Variants in ZNF708 observed in about 807,000 individuals in gnomAD.
ZNF708 encodes ZNF15, ZNF15L1.
ZNF708 carries 44 observed loss-of-function variants against 47.0 expected under a neutral mutation model. That is an observed-to-expected ratio of 0.94 (90% CI 0.74 to 1.20). ZNF708 has a LOEUF of 1.20. Among genes scored for constraint, ZNF708 ranks in the 50% most tolerant of loss-of-function variants. ZNF708 has a pLI of 0.00. For synonymous variants in ZNF708, 184 were observed against 218.5 expected (o/e 0.84, Z 1.39); for missense variants, 557 against 656.0 (o/e 0.85, Z 1.65).
intron 3 of ZNF708, among the ~76,000 whole-genome samples, chr19:21,300,475 C>T (rs151114636): frequency 0.014 from 2,154 of 149,350 alleles, 53 homozygotes; most frequent in African/African-American, 0.05. Context: ...CATTGCACTC[C>T]AGCCTGGACA....
intron 1 of ZNF708, among the ~76,000 whole-genome samples, chr19:21,322,312 T>G (rs1210242798): frequency 6.6e-6 from 1 of 151,826 alleles, no homozygotes; most frequent in African/African-American, 2.4e-5. Context: ...TCCTTTTTTT[T>G]TTCTTTTGAG....
intron 3 of ZNF708, among the ~76,000 whole-genome samples, chr19:21,296,271 C>T (rs547500789): frequency 5.3e-5 from 8 of 151,834 alleles, no homozygotes; most frequent in South Asian, 2.1e-4. Context: ...AAGGCCGAGG[C>T]GGGCGGATCA....
rs1972876364 is a variant in ZNF708 at position 21,310,515 on chromosome 19, T to A, written c.116A>T (p.Asn39Ile). 28 of 1,417,908 alleles carry A rather than the reference T, an allele frequency of 2.0e-5. No homozygotes were observed. Among genetic ancestry groups the A allele is most frequent in the Non-Finnish European group, 2.6e-5 (28 of 1,081,552 alleles). The allele number at this position is 1,417,908 out of a possible 1,614,324, so 87.8% of individuals were successfully genotyped here. The change falls in exon 2 of 4, where the codon AAC becomes ATC. Residue 39 changes from asparagine to isoleucine, a missense_variant. By Grantham distance (149) the Asn-to-Ile change is moderately radical. Transcript: ENST00000356929. ...YRNVMLENYRNLVFLGIAVSN... is the reference protein window; with the variant it reads ...YRNVMLENYRILVFLGIAVSN... Reference sequence around the variant, plus strand: ...CTTATCCTCACCCAGGAATACCAGGTTTCTATAATTCTCTAACATGACATT... The same window carrying A: ...CTTATCCTCACCCAGGAATACCAGGATTCTATAATTCTCTAACATGACATT...
rs139459311 is a variant in ZNF708 at position 21,327,268 on chromosome 19, G to A, written c.3+1942C>T. Among the ~76,000 whole-genome samples the A allele has an allele frequency of 6.4e-3, 967 of 152,126 alleles. 11 individuals carry two copies. Among genetic ancestry groups the A allele is most frequent in the South Asian group, 0.024 (114 of 4,826 alleles). On this transcript the variant is annotated intron_variant, in intron 1 of 3. Coordinates refer to ENST00000356929, the MANE Select transcript of ZNF708 (RefSeq NM_021269.3). Reference sequence around the variant, plus strand: ...GTCTAGACCGGGCGCGGTGGCTCACGCCTGTATTCCCAGCACTTTGGGAGG... The same window carrying A: ...GTCTAGACCGGGCGCGGTGGCTCACACCTGTATTCCCAGCACTTTGGGAGG...
At chr19:21,318,394 G>C (rs1973059113) in intron 1 of ZNF708, 1 of 152,142 alleles carries the variant, frequency 6.6e-6, no homozygotes, top group Admixed American at 6.5e-5. Context: ...CTGAAGCATT[G>C]AAGAGAAAAA....
chr19:21,298,927 C>A (rs1972598434), intron 3 of ZNF708, among the ~76,000 whole-genome samples: 1 of 152,020 alleles, frequency 6.6e-6, no homozygotes, highest in Non-Finnish European at 1.5e-5. Flanking sequence ...TAAATCTTAA[C>A]ATTATGCAAA....
At chr19:21,326,702 G>A (rs1236691289) in intron 1 of ZNF708, among the ~76,000 whole-genome samples, 2 of 152,248 alleles carry the variant, frequency 1.3e-5, no homozygotes, top group East Asian at 1.9e-4. Flanking sequence ...AGGCCATGGC[G>A]GGTGGATCAC....
intron 1 of ZNF708, chr19:21,318,865 G>GAA (rs1973069386): frequency 6.6e-6 from 1 of 152,112 alleles, no homozygotes; most frequent in South Asian, 2.1e-4. Flanking sequence ...TTAGTAAAAT[G>GAA]AAAGACACTA....
At chr19:21,321,012 G>A (rs1283379544) in intron 1 of ZNF708, among the ~76,000 whole-genome samples, 1 of 151,810 alleles carries the variant, frequency 6.6e-6, no homozygotes, top group Non-Finnish European at 1.5e-5. Flanking sequence ...GTGGTGGCGG[G>A]CGCCTGTAGT....
intron 3 of ZNF708, 80 bp from the exon 4 acceptor site, chr19:21,294,819 A>G: frequency 7.5e-7 from 1 of 1,339,918 alleles, no homozygotes; most frequent in Non-Finnish European, 1.0e-6. Flanking sequence ...TACCAACTAT[A>G]TAAACAAGAT....
rs764275970 is a variant in ZNF708, at chr19:21,293,620, T to C, written c.1346A>G (p.Lys449Arg). 1.9e-6 allele frequency: 3 copies of C among 1,612,538 alleles called. No individual in the cohort carries two copies. The highest frequency in any genetic ancestry group is 1.7e-5 in the Admixed American group (1 of 59,938). ...AAAAGTTTTGCCACATTCTTCACAT[T>C]TGTAGGGTTTGTCTTCAGTATGAAT... is the stretch of plus-strand genomic sequence containing the variant. ...KVIHTEDKPY[K>R]CEECGKTFNY... Residue 449 changes from lysine to arginine, a missense_variant, in exon 4 of 4, where the codon AAA (lysine) becomes AGA (arginine). Lys to Arg is a conservative substitution (Grantham distance 26). Transcript: ENST00000356929.
chr19:21,314,320 A>G (rs1205055382), intron 1 of ZNF708, among the ~76,000 whole-genome samples: 1 of 152,188 alleles, frequency 6.6e-6, no homozygotes, highest in Non-Finnish European at 1.5e-5. Context: ...CAATTTTATA[A>G]CATATACTAA....
chr19:21,303,046 G>A (rs893043558), intron 3 of ZNF708, among the ~76,000 whole-genome samples: 1 of 152,096 alleles, frequency 6.6e-6, no homozygotes, highest in African/African-American at 2.4e-5. Context: ...CCAGGAGTTT[G>A]AGATCAGCCT....
chr19:21,295,781 A>G (rs1251647078), intron 3 of ZNF708, among the ~76,000 whole-genome samples: 1 of 152,168 alleles, frequency 6.6e-6, no homozygotes. Flanking sequence ...CTTGTTTTTA[A>G]TGTTTAAATC....
At chr19:21,326,825 C>T (rs111372164) in intron 1 of ZNF708, among the ~76,000 whole-genome samples, 23,743 of 151,966 alleles carry the variant, frequency 0.16, 2,166 homozygotes, top group Non-Finnish European at 0.21. Context: ...TTCTAGCTAC[C>T]CGGGAGGCTG....
intron 1 of ZNF708, chr19:21,327,919 C>T: frequency 1.2e-6 from 1 of 862,464 alleles, no homozygotes; most frequent in Non-Finnish European, 1.4e-6. Context: ...CTCTCAGCCC[C>T]AGGGCATCCA....
Position 21,294,675 on chromosome 19 carries a change from T to C in ZNF708, c.291A>G (p.Gln97=). ...PEQYIKNSFQ[Q]VILRRYGKCG... is the part of the protein sequence containing the mutation. ...ATTTTCCATATCTTCTCAGTATCACTTGTTGGAAAGAATTTTTTATATATT... is the reference window on the plus strand; with the variant it reads ...ATTTTCCATATCTTCTCAGTATCACCTGTTGGAAAGAATTTTTTATATATT... Residue 97 remains glutamine (Q), a synonymous_variant, in exon 4 of 4, where the codon CAA becomes CAG. Coordinates refer to ENST00000356929, the MANE Select transcript of ZNF708 (RefSeq NM_021269.3). 6.2e-7 allele frequency: 1 copy of C among 1,613,906 alleles called. No homozygotes were observed. Among genetic ancestry groups the C allele is most frequent in the Non-Finnish European group, 8.5e-7 (1 of 1,179,912 alleles).
intron 3 of ZNF708, among the ~76,000 whole-genome samples, chr19:21,296,347 A>T (rs1197123338): frequency 1.3e-5 from 2 of 151,278 alleles, no homozygotes; most frequent in East Asian, 3.9e-4. Context: ...CTAAAAATAT[A>T]AAAAATTAGC....
At chr19:21,313,287 C>CA (rs34027483) in intron 1 of ZNF708, among the ~76,000 whole-genome samples, 18,766 of 89,740 alleles carry the variant, frequency 0.21, 1,664 homozygotes, top group South Asian at 0.31. Flanking sequence ...GACCCTGTCT[C>CA]AAAAAAAAAA....
Sources: allele counts gnomAD v4.1 joint callset (sites outside exome capture counted in the v4.1 genomes callset), GRCh38; gene constraint gnomAD v4.1.1; transcripts MANE v1.5; gene names NCBI Gene and HGNC (gene_info 2026-07-23, HGNC 2026-07-21).